The following DOCK3 variants were observed in gnomAD, a reference collection of about 807,000 sequenced individuals.
DOCK3 encodes the protein dedicator of cytokinesis 3, also known as dedicator of cytokinesis protein 3.
DOCK3 carries 60 observed loss-of-function variants against 265.6 expected under a neutral mutation model. That is an observed-to-expected ratio of 0.23 (90% CI 0.18 to 0.28). The LOEUF (loss-of-function observed/expected upper bound fraction) is 0.28, where lower values mean the gene tolerates loss of function less well. DOCK3 is among the 10% of genes least tolerant of loss of function. The pLI, the probability that DOCK3 is intolerant of heterozygous loss-of-function variation, is 1.00. For missense variants in DOCK3, 1,981 were observed against 2,594.3 expected (o/e 0.76, Z 5.14); for synonymous variants, 881 against 938.0 (o/e 0.94, Z 1.11).
At chr3:50,750,581 G>T (rs2039735199) in intron 1 of DOCK3, among the ~76,000 whole-genome samples, 1 of 152,054 alleles carries the variant, frequency 6.6e-6, no homozygotes, top group South Asian at 2.1e-4. Context: ...GCCTGCCTTG[G>T]CCTCCCAAAG....
At chr3:50,991,053 A>G (rs1172078255) in intron 5 of DOCK3, among the ~76,000 whole-genome samples, 1 of 152,200 alleles carries the variant, frequency 6.6e-6, no homozygotes, top group South Asian at 2.1e-4. Flanking sequence ...TCAGATAAAC[A>G]AACATTGAGG....
At chr3:51,047,199 A>T (rs974576643) in intron 5 of DOCK3, among the ~76,000 whole-genome samples, 1 of 147,252 alleles carries the variant, frequency 6.8e-6, no homozygotes, top group Non-Finnish European at 1.5e-5. Flanking sequence ...CATAGGTGGG[A>T]ATTGAACAAT....
chr3:50,675,305 G>A lies in DOCK3; in HGVS notation c.37+5G>A. ...AGGAGGAGAAATACGGCGTAGGTAGGTGAGGCTCAGGCCTGGCCGTGGCGG... is the reference window on the plus strand; with the variant it reads ...AGGAGGAGAAATACGGCGTAGGTAGATGAGGCTCAGGCCTGGCCGTGGCGG... On this transcript the variant is annotated splice_donor_5th_base_variant and intron_variant, in intron 1 of 52. Coordinates refer to ENST00000266037, the MANE Select transcript of DOCK3 (RefSeq NM_004947.5). This position sits in a 1 kb window ranked among gnomAD's most constrained non-coding sequence, Gnocchi z 6.1. 7.9e-7 allele frequency: 1 copy of A among 1,271,662 alleles called. No homozygotes were observed. Among genetic ancestry groups the A allele is most frequent in the Non-Finnish European group, 1.0e-6 (1 of 994,418 alleles). The allele number at this position is 1,271,662 out of a possible 1,614,324, so 78.8% of individuals were successfully genotyped here. A position where few individuals can be genotyped will look rare whatever the true frequency, so the allele number is the denominator to read the frequency against.
chr3:50,943,639 CTTTTA>C (rs1251972088), intron 5 of DOCK3, among the ~76,000 whole-genome samples: 1 of 151,958 alleles, frequency 6.6e-6, no homozygotes, highest in African/African-American at 2.4e-5. Flanking sequence ...AAAAATAAAA[CTTTTA>C]TTTAAATAAC....
intron 2 of DOCK3, among the ~76,000 whole-genome samples, chr3:50,812,476 A>G (rs558277528): frequency 1.6e-3 from 248 of 152,360 alleles, no homozygotes; most frequent in Non-Finnish European, 2.7e-3. Flanking sequence ...ATACATCTAT[A>G]TATAAAAATA....
At chr3:50,896,687 C>A (rs1208666229) in intron 4 of DOCK3, among the ~76,000 whole-genome samples, 1 of 152,014 alleles carries the variant, frequency 6.6e-6, no homozygotes, top group Non-Finnish European at 1.5e-5. Flanking sequence ...GGAAGGGGTC[C>A]AGTTTCAGTT....
intron 1 of DOCK3, among the ~76,000 whole-genome samples, chr3:50,695,780 C>T (rs909459245): frequency 2.0e-5 from 3 of 152,276 alleles, no homozygotes; most frequent in African/African-American, 4.8e-5. Flanking sequence ...CTTCGGATCC[C>T]ACTTCTGACA....
At chr3:51,114,360 A>G (rs2083645041) in intron 9 of DOCK3, among the ~76,000 whole-genome samples, 1 of 152,194 alleles carries the variant, frequency 6.6e-6, no homozygotes, top group African/African-American at 2.4e-5. Context: ...GAGCAGAGAT[A>G]GGGTGAGGCA....
chr3:51,006,584 T>C (rs1214678840), intron 5 of DOCK3, among the ~76,000 whole-genome samples: 1 of 152,222 alleles, frequency 6.6e-6, no homozygotes, highest in Non-Finnish European at 1.5e-5. Flanking sequence ...TTTGCAAGTC[T>C]ACTCATTCCC....
At chr3:51,296,305 A>C (rs1249433265) in intron 27 of DOCK3, among the ~76,000 whole-genome samples, 2 of 152,192 alleles carry the variant, frequency 1.3e-5, no homozygotes, top group Non-Finnish European at 2.9e-5. Flanking sequence ...TTCATGTAGA[A>C]ATATTGGGGA....
intron 6 of DOCK3, among the ~76,000 whole-genome samples, chr3:51,072,128 A>C (rs1171058799): frequency 6.6e-6 from 1 of 152,212 alleles, no homozygotes; most frequent in Non-Finnish European, 1.5e-5. Flanking sequence ...GAACACTTGC[A>C]TGACTCAAAG....
At chr3:50,752,104 T>C (rs1176873114) in intron 1 of DOCK3, among the ~76,000 whole-genome samples, 1 of 152,206 alleles carries the variant, frequency 6.6e-6, no homozygotes, top group Non-Finnish European at 1.5e-5. Flanking sequence ...TCTTTTCTTT[T>C]CTGCTTCATA....
At chr3:50,854,193 A>G (rs1443790269) in intron 3 of DOCK3, among the ~76,000 whole-genome samples, 1 of 152,084 alleles carries the variant, frequency 6.6e-6, no homozygotes, top group Non-Finnish European at 1.5e-5. Flanking sequence ...AGTTCCTTAT[A>G]GATTCTAGAT....
At chr3:51,303,505 G>A (rs2082471496) in intron 27 of DOCK3, among the ~76,000 whole-genome samples, 1 of 151,976 alleles carries the variant, frequency 6.6e-6, no homozygotes, top group African/African-American at 2.4e-5. Flanking sequence ...GCCTTTTTGA[G>A]TTTTCAGTGT....
intron 4 of DOCK3, among the ~76,000 whole-genome samples, chr3:50,904,301 T>C (rs1292971574): frequency 6.6e-6 from 1 of 152,250 alleles, no homozygotes; most frequent in Non-Finnish European, 1.5e-5. Flanking sequence ...CTGGGTCAGA[T>C]GGTATTTCTA....
At chr3:51,001,903 T>G (rs1442560647) in intron 5 of DOCK3, among the ~76,000 whole-genome samples, 1 of 151,988 alleles carries the variant, frequency 6.6e-6, no homozygotes, top group Non-Finnish European at 1.5e-5. Flanking sequence ...GTTGAGCATC[T>G]TTTCATGACT....
chr3:51,102,324 A>G (rs927756729), intron 9 of DOCK3, among the ~76,000 whole-genome samples: 16 of 152,242 alleles, frequency 1.1e-4, no homozygotes, highest in African/African-American at 3.6e-4. Flanking sequence ...GCAAGATTTT[A>G]AAAACTGGAT....
chr3:51,140,714 A>C (rs778954704), intron 9 of DOCK3, among the ~76,000 whole-genome samples: 1 of 152,128 alleles, frequency 6.6e-6, no homozygotes, highest in Non-Finnish European at 1.5e-5. Flanking sequence ...CATTCCCATC[A>C]GCTGTGTATG....
intron 12 of DOCK3, among the ~76,000 whole-genome samples, chr3:51,169,251 A>C (rs1026879724): frequency 6.6e-6 from 1 of 152,190 alleles, no homozygotes; most frequent in African/African-American, 2.4e-5. Flanking sequence ...TACCCAAAGA[A>C]ATATGAATTT....
Sources: gnomAD v4.1 joint callset for allele counts (sites outside exome capture counted in the v4.1 genomes callset) on GRCh38, gnomAD v4.1.1 for gene constraint, Gnocchi (gnomAD v3.1) non-coding constraint, MANE v1.5 for transcripts, NCBI Gene and HGNC (gene_info 2026-07-23, HGNC 2026-07-21) for gene names.